Variants in CCDC88C observed in about 807,000 individuals in gnomAD.
CCDC88C encodes the protein coiled-coil and HOOK domain protein 88C.
CCDC88C carries 131 observed loss-of-function variants against 198.8 expected under a neutral mutation model. The ratio of observed to expected loss-of-function variants is 0.66; its 90% confidence interval spans 0.57 to 0.76. The LOEUF (loss-of-function observed/expected upper bound fraction) is 0.76, where lower values mean the gene tolerates loss of function less well. CCDC88C is among the 30% of genes least tolerant of loss of function. CCDC88C has a pLI of 0.00. For missense variants in CCDC88C, 2,553 were observed against 2,631.6 expected (o/e 0.97, Z 0.65); for synonymous variants, 1,166 against 1,114.7 (o/e 1.05, Z -0.92).
Position 91,339,159 on chromosome 14 carries a change from C to G in CCDC88C, c.809+119G>C. On this transcript the variant is annotated intron_variant, in intron 8 of 29. Coordinates refer to ENST00000389857, the MANE Select transcript of CCDC88C (RefSeq NM_001080414.4). The surrounding 1 kb of genome is among the most constrained non-coding windows in gnomAD (Gnocchi z 5.8). ...AGAGTAAGCTCAGGGCAGACCCCAG[C>G]TGACTCCGGGGCACACGTCAGAGCT... is the stretch of plus-strand genomic sequence containing the variant. 8.0e-7 allele frequency: 1 copy of G among 1,247,938 alleles called. No homozygotes were observed. The highest frequency in any genetic ancestry group is 2.0e-5 in the Admixed American group (1 of 50,800). 77.3% of individuals were successfully genotyped at this position (1,247,938 alleles called of 1,614,324 possible).
chr14:91,284,436 GAAGC>G lies in CCDC88C; in HGVS notation c.4442-923_4442-920del, dbSNP rs774883955. Among the ~76,000 whole-genome samples, 80 of 152,336 alleles carry G rather than the reference GAAGC, an allele frequency of 5.3e-4. No individual in the cohort carries two copies. The highest frequency in any genetic ancestry group is 1.0e-3 in the Non-Finnish European group (71 of 68,032). On this transcript the variant is annotated intron_variant, in intron 25 of 29. Transcript: ENST00000389857. The surrounding 1 kb of genome is among the most constrained non-coding windows in gnomAD (Gnocchi z 4.1). ...GGATTTTGAAAGATAACCTTGATGA[GAAGC>G]AAGATTCAAGTCTGCCTGAATCGGG... is the stretch of plus-strand genomic sequence containing the variant.
At chr14:91,312,787 A>G (rs7151121) in intron 15 of CCDC88C, among the ~76,000 whole-genome samples, 3,172 of 149,532 alleles carry the variant, frequency 0.021, 127 homozygotes, top group African/African-American at 0.077. Context: ...CATAATTAAT[A>G]AAAACCACAA....
chr14:91,414,714 A>G (rs566362451), intron 2 of CCDC88C, among the ~76,000 whole-genome samples: 2 of 152,124 alleles, frequency 1.3e-5, no homozygotes, highest in East Asian at 3.9e-4. Context: ...CCCACGCTCC[A>G]TTCCTCTGTG....
At chr14:91,389,427 C>G (rs1350858835) in intron 3 of CCDC88C, among the ~76,000 whole-genome samples, 1 of 152,206 alleles carries the variant, frequency 6.6e-6, no homozygotes, top group East Asian at 1.9e-4. Flanking sequence ...GAAAGGGATG[C>G]TTCCGTGTCT....
Position 91,280,953 on chromosome 14 carries a change from C to T in CCDC88C, c.4699+504G>A, listed in dbSNP as rs554690031. On this transcript the variant is annotated intron_variant, in intron 27 of 29. Transcript: ENST00000389857. ...TTATTTTCTCACCCTTGTAGGGTTG[C>T]TTTTCAAAAATTAAACCAAAGCAGC... Among the ~76,000 whole-genome samples the T allele has an allele frequency of 6.4e-4, 98 of 152,268 alleles. 1 individual carries two copies. Among genetic ancestry groups the T allele is most frequent in the African/African-American group, 2.3e-3 (96 of 41,528 alleles).
chr14:91,383,345 G>A (rs1017396530), intron 3 of CCDC88C, among the ~76,000 whole-genome samples: 28 of 152,164 alleles, frequency 1.8e-4, no homozygotes, highest in Admixed American at 3.3e-4. Context: ...GAATCTCAGG[G>A]GGCCATGAAC....
chr14:91,384,240 C>T (rs957467123), intron 3 of CCDC88C: 3 of 350,936 alleles, frequency 8.5e-6, no homozygotes, highest in African/African-American at 2.2e-5. Flanking sequence ...AGTTCGAGAC[C>T]AGCCTGATCA....
chr14:91,283,322 G>A lies in CCDC88C; in HGVS notation c.4630+7C>T, dbSNP rs754671206. 1 of 1,612,384 alleles carries A rather than the reference G, an allele frequency of 6.2e-7. No homozygotes were observed. The highest frequency in any genetic ancestry group is 8.5e-7 in the Non-Finnish European group (1 of 1,179,570). On this transcript the variant is annotated splice_region_variant and intron_variant, in intron 26 of 29. Transcript: ENST00000389857. ...CGCTCATGGCTCTGGAAGGGCCTGT[G>A]ACTCACCTTTGGTGCGGCCTGGGTG...
In CCDC88C at chr14:91,324,759, C is replaced by A. The variant is rs111227967; in HGVS notation, c.1342+20G>T. 6.8e-6 allele frequency: 11 copies of A among 1,606,830 alleles called. No homozygotes were observed. The East Asian group carries it at 2.0e-4, about 29-fold the overall frequency. ...GGCGGCCACGGCCAGGCTGGCTCCC[C>A]GGCACCAGGCGCTACCTACCGTCTG... On this transcript the variant is annotated intron_variant, in intron 12 of 29. Transcript: ENST00000389857.
chr14:91,338,840 G>A lies in CCDC88C; in HGVS notation c.810-270C>T, dbSNP rs577755317. 3.5e-5 allele frequency: 18 copies of A among 507,956 alleles called. No homozygotes were observed. The highest frequency in any genetic ancestry group is 2.3e-4 in the African/African-American group (12 of 51,940). The allele number at this position is 507,956 out of a possible 1,614,324, so 31.5% of individuals were successfully genotyped here. ...GTGGGGCAGGTAAGGAGACCCCAGCGGCAGCTGTACCACCCCACAGCCAGG... is the reference window on the plus strand; with the variant it reads ...GTGGGGCAGGTAAGGAGACCCCAGCAGCAGCTGTACCACCCCACAGCCAGG... On this transcript the variant is annotated intron_variant, in intron 8 of 29. Transcript: ENST00000389857. This position sits in a 1 kb window ranked among gnomAD's most constrained non-coding sequence, Gnocchi z 4.8.
intron 25 of CCDC88C, among the ~76,000 whole-genome samples, chr14:91,286,136 C>T (rs1890400420): frequency 2.6e-5 from 4 of 152,106 alleles, no homozygotes; most frequent in African/African-American, 4.8e-5. Flanking sequence ...GATGATTTTT[C>T]GGTTTCAGTG....
chr14:91,285,300 G>A (rs1890354336), intron 25 of CCDC88C: 3 of 350,832 alleles, frequency 8.6e-6, no homozygotes, highest in Non-Finnish European at 1.7e-5. Context: ...ATTTTAGGAA[G>A]TGCAGCAACC....
chr14:91,314,874 T>A (rs1234241203), intron 14 of CCDC88C, among the ~76,000 whole-genome samples: 1 of 152,222 alleles, frequency 6.6e-6, no homozygotes, highest in African/African-American at 2.4e-5. Context: ...TGGTGGCTCA[T>A]GCCTGTAATC....
intron 19 of CCDC88C, among the ~76,000 whole-genome samples, chr14:91,305,210 C>T (rs1891509014): frequency 6.6e-6 from 1 of 152,140 alleles, no homozygotes; most frequent in Non-Finnish European, 1.5e-5. Context: ...AACAAACAAA[C>T]AAAAACTGCA....
intron 21 of CCDC88C, 104 bp downstream of exon 21, chr14:91,299,822 TC>T: frequency 6.5e-6 from 9 of 1,382,382 alleles, no homozygotes; most frequent in Non-Finnish European, 8.5e-6. Context: ...GGGATAAAAA[TC>T]CACGATCGCC....
intron 3 of CCDC88C, among the ~76,000 whole-genome samples, chr14:91,382,548 G>A (rs1267091679): frequency 2.0e-5 from 3 of 152,144 alleles, no homozygotes. Flanking sequence ...TGTTCTACAG[G>A]ACATGGGTCC....
At chr14:91,388,565 C>T (rs1291805399) in intron 3 of CCDC88C, among the ~76,000 whole-genome samples, 3 of 152,224 alleles carry the variant, frequency 2.0e-5, no homozygotes, top group African/African-American at 4.8e-5. Flanking sequence ...ACGGTGACCG[C>T]GTCTGCTGCC....
rs1287097316 is a variant in CCDC88C, at chr14:91,371,477, G to A, written c.271-11766C>T. 3.9e-5 allele frequency among the ~76,000 whole-genome samples: 6 copies of A among 152,024 alleles called. No individual in the cohort carries two copies. Among genetic ancestry groups the A allele is most frequent in the Non-Finnish European group, 7.4e-5 (5 of 67,966 alleles). On this transcript the variant is annotated intron_variant, in intron 3 of 29. Coordinates refer to ENST00000389857, the MANE Select transcript of CCDC88C (RefSeq NM_001080414.4). This position sits in a 1 kb window ranked among gnomAD's most constrained non-coding sequence, Gnocchi z 4.2. ...GCCCAGCCAACCTCACCCGCCGGTG[G>A]CAGGAGTACAGAGGCCGGCGGTGGC...
intron 4 of CCDC88C, among the ~76,000 whole-genome samples, chr14:91,354,663 G>A (rs1893964895): frequency 6.6e-6 from 1 of 152,142 alleles, no homozygotes; most frequent in Non-Finnish European, 1.5e-5. Context: ...AGCTTGACGG[G>A]AGAGCAAAGT....
Sources: allele counts gnomAD v4.1 joint callset (sites outside exome capture counted in the v4.1 genomes callset), GRCh38; gene constraint gnomAD v4.1.1; non-coding constraint Gnocchi (gnomAD v3.1); transcripts MANE v1.5; gene names NCBI Gene and HGNC (gene_info 2026-07-23, HGNC 2026-07-21).